The following PTPRN2 variants were observed in gnomAD, a reference collection of about 807,000 sequenced individuals.
PTPRN2 encodes the protein receptor-type tyrosine-protein phosphatase N2.
Under a neutral mutation model 118.8 loss-of-function variants are expected in PTPRN2, and 74 were observed. The observed-to-expected ratio is 0.62, with a 90% CI of 0.52 to 0.76. The LOEUF is 0.76. Among genes scored for constraint, PTPRN2 ranks in the 30% least tolerant of loss-of-function variants. The pLI, the probability that PTPRN2 is intolerant of heterozygous loss-of-function variation, is 0.00. For synonymous variants in PTPRN2, 641 were observed against 608.0 expected (o/e 1.05, Z -0.80); for missense variants, 1,481 against 1,394.4 (o/e 1.06, Z -0.99).
intron 3 of PTPRN2, among the ~76,000 whole-genome samples, chr7:158,315,521 G>A (rs1003858946): frequency 6.6e-6 from 1 of 151,408 alleles, no homozygotes; most frequent in Non-Finnish European, 1.5e-5. Flanking sequence ...GGTGAACCCG[G>A]GACCCCTGAA....
chr7:157,796,085 C>T (rs543858622), intron 12 of PTPRN2, among the ~76,000 whole-genome samples: 9 of 152,342 alleles, frequency 5.9e-5, no homozygotes, highest in East Asian at 3.9e-4. Context: ...ACGTGAGATA[C>T]GGCCTCCACA....
intron 12 of PTPRN2, among the ~76,000 whole-genome samples, chr7:157,705,718 G>A (rs1172883366): frequency 3.3e-5 from 5 of 151,936 alleles, no homozygotes; most frequent in Non-Finnish European, 5.9e-5. Flanking sequence ...GGATAAACGC[G>A]GATCACATCC....
Position 158,587,592 on chromosome 7 carries a change from G to C in PTPRN2, c.78C>G (p.Ser26=), listed in dbSNP as rs1829052594. ...PPRVLPAAPS[S]VPRGRQLPGR... ...CCGGGAGCTGCCGGCCGCGGGGGAC[G>C]GACGAAGGGGCGGCAGGCAGGACGC... Residue 26 remains serine (S), a synonymous_variant, in exon 1 of 23, where the codon TCC becomes TCG. Coordinates refer to ENST00000389418, the MANE Select transcript of PTPRN2 (RefSeq NM_002847.5). The C allele has an allele frequency of 7.5e-6, 10 of 1,340,236 alleles. No homozygotes were observed. The highest frequency in any genetic ancestry group is 3.1e-5 in the African/African-American group (2 of 64,604). The allele number at this position is 1,340,236 out of a possible 1,614,324, so 83.0% of individuals were successfully genotyped here. A position where few individuals can be genotyped will look rare whatever the true frequency, so the allele number is the denominator to read the frequency against.
At chr7:158,132,537 T>A (rs1026341482) in intron 9 of PTPRN2, among the ~76,000 whole-genome samples, 1 of 137,500 alleles carries the variant, frequency 7.3e-6, no homozygotes, top group East Asian at 2.0e-4. Flanking sequence ...TACACTCATA[T>A]ACACACACAT....
At chr7:158,147,912 C>G (rs1338603926) in intron 6 of PTPRN2, among the ~76,000 whole-genome samples, 1 of 134,800 alleles carries the variant, frequency 7.4e-6, no homozygotes, top group African/African-American at 2.9e-5. Flanking sequence ...CACTGACACC[C>G]CATCTCACGC....
intron 6 of PTPRN2, among the ~76,000 whole-genome samples, chr7:158,146,794 T>G (rs1011195760): frequency 6.6e-6 from 1 of 151,832 alleles, no homozygotes; most frequent in Non-Finnish European, 1.5e-5. Context: ...GCTACAACAT[T>G]GTTCTCACAC....
chr7:158,295,004 C>T (rs1207926651), intron 3 of PTPRN2, among the ~76,000 whole-genome samples: 1 of 142,200 alleles, frequency 7.0e-6, no homozygotes, highest in Non-Finnish European at 1.5e-5. Flanking sequence ...AGACACTGCA[C>T]CACCTTCCAC....
At position 157,656,526 on chromosome 7, in the gene PTPRN2, G is replaced by A. The variant is rs139079189; in HGVS notation, c.2027C>T (p.Thr676Met). The change falls in exon 14 of 23, where the codon ACG becomes ATG. Residue 676 changes from threonine to methionine, a missense_variant. Thr to Met is a moderately conservative substitution (Grantham distance 81). Around this residue, in one of 3 missense-constraint regions of PTPRN2, gnomAD observed 1,115 missense variants for 994.2 expected, o/e 1.12. Transcript: ENST00000389418. ...GCCCTCAGGTCGGTCTGGTGGCCGC[G>A]TGGCCATACGCTGGCGGCACAGCTC... is the stretch of plus-strand genomic sequence containing the variant. ...YQELCRQRMA[T>M]RPPDRPEGPH... 1.4e-5 allele frequency: 22 copies of A among 1,546,620 alleles called. No homozygotes were observed. In the African/African-American group the frequency reaches 1.8e-4, roughly 12 times the overall value.
intron 2 of PTPRN2, among the ~76,000 whole-genome samples, chr7:158,323,582 T>C (rs980369607): frequency 6.6e-6 from 1 of 152,220 alleles, no homozygotes; most frequent in African/African-American, 2.4e-5. Context: ...TTCTTTCATT[T>C]GAAAGAAAAT....
chr7:157,709,068 G>A (rs923635735), intron 12 of PTPRN2, among the ~76,000 whole-genome samples: 1 of 152,226 alleles, frequency 6.6e-6, no homozygotes, highest in Admixed American at 6.5e-5. Context: ...CGAGCCGAGA[G>A]AGACAACTGT....
Position 157,707,813 on chromosome 7 carries a change from T to C in PTPRN2, c.1789-24876A>G, listed in dbSNP as rs546224803. On this transcript the variant is annotated intron_variant, in intron 12 of 22. Coordinates refer to ENST00000389418, the MANE Select transcript of PTPRN2 (RefSeq NM_002847.5). ...CGGGGTTTCACCATGTTAGCCAGGATGGTCTTGACCTTGTGATCCACTCGC... is the reference window on the plus strand; with the variant it reads ...CGGGGTTTCACCATGTTAGCCAGGACGGTCTTGACCTTGTGATCCACTCGC... Among the ~76,000 whole-genome samples, 7 of 152,344 alleles carry C rather than the reference T, an allele frequency of 4.6e-5. No homozygotes were observed. The East Asian group carries it at 1.4e-3, about 29-fold the overall frequency.
At chr7:158,085,119 C>T (rs183884964) in intron 10 of PTPRN2, among the ~76,000 whole-genome samples, 13 of 140,052 alleles carry the variant, frequency 9.3e-5, no homozygotes, top group Admixed American at 4.9e-4. Flanking sequence ...ACACCCATGA[C>T]GCCCATCCAC....
At chr7:157,781,273 T>C (rs1803664904) in intron 12 of PTPRN2, among the ~76,000 whole-genome samples, 1 of 152,332 alleles carries the variant, frequency 6.6e-6, no homozygotes, top group South Asian at 2.1e-4. Context: ...CTCCTCAAAG[T>C]GGAGGGTCTG....
intron 12 of PTPRN2, among the ~76,000 whole-genome samples, chr7:157,844,769 C>T (rs997536636): frequency 2.6e-5 from 4 of 152,188 alleles, no homozygotes; most frequent in African/African-American, 9.7e-5. Context: ...TGCAGGTCAG[C>T]GGCTCCGCAG....
chr7:158,322,881 G>A (rs1011395185), intron 2 of PTPRN2, among the ~76,000 whole-genome samples: 15 of 152,362 alleles, frequency 9.8e-5, no homozygotes, highest in South Asian at 2.1e-4. Context: ...AGCCCATGGC[G>A]GGTAAACAGA....
intron 22 of PTPRN2, 24 bp from the exon 23 acceptor site, chr7:157,540,809 G>C: frequency 6.5e-7 from 1 of 1,540,158 alleles, no homozygotes; most frequent in Non-Finnish European, 8.8e-7. Flanking sequence ...AACGAGAGAA[G>C]TGCCAATGAG....
At chr7:158,564,929 C>G (rs1210649003) in intron 1 of PTPRN2, among the ~76,000 whole-genome samples, 2 of 152,214 alleles carry the variant, frequency 1.3e-5, no homozygotes, top group African/African-American at 4.8e-5. Context: ...CGTGCCTTCC[C>G]TGTGGTGTGT....
intron 12 of PTPRN2, among the ~76,000 whole-genome samples, chr7:157,713,943 C>T (rs1028342036): frequency 7.9e-5 from 12 of 152,304 alleles, no homozygotes; most frequent in African/African-American, 2.2e-4. Flanking sequence ...CAATGGCAGC[C>T]GCGAAGCTCT....
intron 3 of PTPRN2, among the ~76,000 whole-genome samples, chr7:158,279,085 C>T (rs1403767977): frequency 6.6e-6 from 1 of 152,230 alleles, no homozygotes; most frequent in Non-Finnish European, 1.5e-5. Flanking sequence ...AAACCCTCCA[C>T]ACTGTGGAAT....
Sources: gnomAD v4.1 joint callset for allele counts (sites outside exome capture counted in the v4.1 genomes callset) on GRCh38, gnomAD v4.1.1 for gene constraint, gnomAD v4.1.1 regional missense constraint, MANE v1.5 for transcripts, NCBI Gene and HGNC (gene_info 2026-07-23, HGNC 2026-07-21) for gene names.